Variants in CC2D2B observed in about 807,000 individuals in gnomAD.
The protein encoded by CC2D2B is coiled-coil and C2 domain containing 2B.
A neutral mutation model predicts 161.2 loss-of-function variants in CC2D2B; 128 were observed. That is an observed-to-expected ratio of 0.79 (90% CI 0.69 to 0.92). The LOEUF (loss-of-function observed/expected upper bound fraction) is 0.92, where lower values mean the gene tolerates loss of function less well. Among genes scored for constraint, CC2D2B ranks in the 40% least tolerant of loss-of-function variants. The probability of loss-of-function intolerance (pLI) is 0.00; values close to 1 mark genes in which losing one functional copy is unlikely to be tolerated. For synonymous variants in CC2D2B, 391 were observed against 449.8 expected (o/e 0.87, Z 1.65); for missense variants, 1,173 against 1,375.1 (o/e 0.85, Z 2.32).
intron 17 of CC2D2B, 79 bp from the exon 18 acceptor site, chr10:95,981,896 C>A: frequency 1.4e-6 from 1 of 721,862 alleles, no homozygotes; most frequent in Non-Finnish European, 1.9e-6. Flanking sequence ...TATGTTTTTA[C>A]CCTATATAAC....
At position 95,956,033 on chromosome 10, in the gene CC2D2B, G is replaced by T. The variant is rs369826155; in HGVS notation, c.1109+542G>T. 1.5e-4 allele frequency among the ~76,000 whole-genome samples: 23 copies of T among 152,162 alleles called. No homozygotes were observed. The East Asian group carries it at 3.5e-3, about 23-fold the overall frequency. The stretch of plus-strand genomic sequence containing the variant: ...TAAAAGCAGGAAAATTCACTGGAAG[G>T]TATTCATAATCAGAAGACAGCCTTC... On this transcript the variant is annotated intron_variant, in intron 11 of 34. Coordinates refer to ENST00000646931, the MANE Select transcript of CC2D2B (RefSeq NM_001349008.3).
chr10:95,944,656 C>T (rs2076135740), intron 9 of CC2D2B, among the ~76,000 whole-genome samples: 1 of 152,128 alleles, frequency 6.6e-6, no homozygotes, highest in Non-Finnish European at 1.5e-5. Context: ...GCATAATTTA[C>T]AATTATTGAA....
chr10:95,971,401 A>G (rs566884713), intron 15 of CC2D2B, among the ~76,000 whole-genome samples: 59 of 151,936 alleles, frequency 3.9e-4, no homozygotes, highest in Admixed American at 1.2e-3. Flanking sequence ...AAAAAAAAAA[A>G]AAAGAAAGAA....
At chr10:95,987,955 A>G (rs1264378522) in intron 19 of CC2D2B, among the ~76,000 whole-genome samples, 1 of 152,188 alleles carries the variant, frequency 6.6e-6, no homozygotes, top group African/African-American at 2.4e-5. Flanking sequence ...TCTTTTCTCA[A>G]TCCTCTTCAC....
At chr10:95,981,604 A>G (rs555885283) in intron 17 of CC2D2B, among the ~76,000 whole-genome samples, 1 of 152,320 alleles carries the variant, frequency 6.6e-6, no homozygotes, top group South Asian at 2.1e-4. Flanking sequence ...CTGTGAAAAG[A>G]AAACATTTAA....
intron 2 of CC2D2B, among the ~76,000 whole-genome samples, 195 bp downstream of exon 2, chr10:95,911,554 ATTAT>A (rs967453957): frequency 1.6e-4 from 25 of 152,144 alleles, no homozygotes; most frequent in African/African-American, 5.8e-4. Context: ...AATAAGATGA[ATTAT>A]TTATGTATGT....
intron 33 of CC2D2B, among the ~76,000 whole-genome samples, chr10:96,026,502 A>T (rs1448724049): frequency 6.6e-6 from 1 of 152,152 alleles, no homozygotes; most frequent in Non-Finnish European, 1.5e-5. Flanking sequence ...CCCAGACCAG[A>T]TGCGTGGATT....
At chr10:96,002,176 A>G (rs2078526961) in intron 24 of CC2D2B, among the ~76,000 whole-genome samples, 1 of 152,194 alleles carries the variant, frequency 6.6e-6, no homozygotes, top group Non-Finnish European at 1.5e-5. Context: ...GAGTGTTTAC[A>G]TCCTTGCAAT....
chr10:95,920,332 G>A (rs1356307845), intron 2 of CC2D2B: 1 of 157,144 alleles, frequency 6.4e-6, no homozygotes, highest in Non-Finnish European at 1.4e-5. Flanking sequence ...GGGAAGCAAG[G>A]ACCTTCTTCA....
intron 25 of CC2D2B, among the ~76,000 whole-genome samples, chr10:96,009,406 C>T (rs1324061418): frequency 6.6e-6 from 1 of 152,028 alleles, no homozygotes; most frequent in Non-Finnish European, 1.5e-5. Context: ...CCACTATTGG[C>T]TTATTAGCTA....
At chr10:95,912,687 A>G (rs542668600) in intron 2 of CC2D2B, among the ~76,000 whole-genome samples, 1 of 152,312 alleles carries the variant, frequency 6.6e-6, no homozygotes, top group East Asian at 1.9e-4. Flanking sequence ...AAGTATTTTC[A>G]TATATGTCTG....
At chr10:95,951,518 T>G (rs931489769) in intron 10 of CC2D2B, among the ~76,000 whole-genome samples, 2 of 152,202 alleles carry the variant, frequency 1.3e-5, no homozygotes, top group Non-Finnish European at 1.5e-5. Context: ...ACACCATGCA[T>G]TAGCAATATC....
At chr10:95,960,507 G>A (rs946251332) in intron 11 of CC2D2B, among the ~76,000 whole-genome samples, 10 of 129,388 alleles carry the variant, frequency 7.7e-5, no homozygotes, top group African/African-American at 3.0e-4. Context: ...ACTGAGTTTT[G>A]AAATACATAT....
chr10:95,926,846 G>C lies in CC2D2B; in HGVS notation c.241-391G>C, dbSNP rs5000923. Among the ~76,000 whole-genome samples the C allele has an allele frequency of 6.9e-3, 783 of 112,662 alleles. 2 individuals are homozygous for C. Among genetic ancestry groups the C allele is most frequent in the Middle Eastern group, 0.016 (3 of 188 alleles). 73.9% of individuals were successfully genotyped at this position (112,662 alleles called of 152,430 possible). A position where few individuals can be genotyped will look rare whatever the true frequency, so the allele number is the denominator to read the frequency against. On this transcript the variant is annotated intron_variant, in intron 5 of 34. Transcript: ENST00000646931. ...TGTGTGTGTGTGTGTGTGTGTGTGT[G>C]TCTGTGTGTGTGTGTGTGTGTGTGT...
intron 32 of CC2D2B, 174 bp downstream of exon 32, chr10:96,019,998 T>A: frequency 1.9e-6 from 1 of 513,226 alleles, no homozygotes; most frequent in East Asian, 3.6e-5. Context: ...TTTCCCCTAC[T>A]TGCAGAAAAA....
intron 17 of CC2D2B, among the ~76,000 whole-genome samples, chr10:95,975,507 T>C (rs1222217848): frequency 2.0e-5 from 3 of 152,112 alleles, no homozygotes; most frequent in African/African-American, 7.2e-5. Context: ...TTCTTAAAAA[T>C]TGGGGCCATA....
intron 9 of CC2D2B, among the ~76,000 whole-genome samples, chr10:95,941,192 C>T (rs550442633): frequency 1.3e-5 from 2 of 152,220 alleles, no homozygotes; most frequent in African/African-American, 4.8e-5. Context: ...AACATCAACT[C>T]GAGATGGAGT....
chr10:95,961,983 C>G lies in CC2D2B; in HGVS notation c.1250+14C>G, dbSNP rs867265880. ...ACAGGTTCAGAGGTAAGTGGCTGCT[C>G]TATTTGCTCTTATTGGTCTCCTGAG... On this transcript the variant is annotated intron_variant, in intron 12 of 34. Coordinates refer to ENST00000646931, the MANE Select transcript of CC2D2B (RefSeq NM_001349008.3). 3.2e-6 allele frequency: 4 copies of G among 1,231,062 alleles called. No homozygotes were observed. The highest frequency in any genetic ancestry group is 3.0e-6 in the Non-Finnish European group (3 of 987,286). The allele number at this position is 1,231,062 out of a possible 1,614,324, so 76.3% of individuals were successfully genotyped here. A position where few individuals can be genotyped will look rare whatever the true frequency, so the allele number is the denominator to read the frequency against.
At chr10:95,947,082 AATATATAT>A (rs1297977316) in intron 9 of CC2D2B, among the ~76,000 whole-genome samples, 20 of 39,500 alleles carry the variant, frequency 5.1e-4, no homozygotes, top group East Asian at 1.3e-3. Context: ...TGGACTCAAA[AATATATAT>A]ATATATATAT....
Sources: gnomAD v4.1 joint callset for allele counts (sites outside exome capture counted in the v4.1 genomes callset) on GRCh38, gnomAD v4.1.1 for gene constraint, MANE v1.5 for transcripts, NCBI Gene and HGNC (gene_info 2026-07-23, HGNC 2026-07-21) for gene names.